Variants in LRP1B observed in about 807,000 individuals in gnomAD.
The protein encoded by LRP1B is low-density lipoprotein receptor-related protein 1B.
Under a neutral mutation model 556.6 loss-of-function variants are expected in LRP1B, and 217 were observed. The ratio of observed to expected loss-of-function variants is 0.39; its 90% CI spans 0.35 to 0.44. The LOEUF is 0.44. Among genes scored for constraint, LRP1B ranks in the 20% least tolerant of loss-of-function variants. The probability of loss-of-function intolerance (pLI) is 1.00; values close to 1 mark genes in which losing one functional copy is unlikely to be tolerated. For missense variants in LRP1B, 5,053 were observed against 5,620.8 expected (o/e 0.90, Z 3.23); for synonymous variants, 2,047 against 1,865.8 (o/e 1.10, Z -2.50).
chr2:141,731,162 T>G (rs1283358927), intron 2 of LRP1B, among the ~76,000 whole-genome samples: 5 of 152,214 alleles, frequency 3.3e-5, no homozygotes, highest in African/African-American at 1.2e-4. Context: ...CATTGGGTTA[T>G]GTATGCAGTG....
chr2:141,432,608 A>G (rs765433758), intron 3 of LRP1B, among the ~76,000 whole-genome samples: 1 of 151,954 alleles, frequency 6.6e-6, no homozygotes, highest in Non-Finnish European at 1.5e-5. Flanking sequence ...TCTTTAGTCT[A>G]TTCAGATGTT....
At position 141,185,907 on chromosome 2, in the gene LRP1B, C is replaced by T. The variant is rs1681229187; in HGVS notation, c.1013+2514G>A. 2.0e-5 allele frequency among the ~76,000 whole-genome samples: 3 copies of T among 151,110 alleles called. 1 individual carries two copies. The South Asian group carries it at 6.2e-4, about 31-fold the overall frequency. On this transcript the variant is annotated intron_variant, in intron 7 of 90. Transcript: ENST00000389484. The stretch of plus-strand genomic sequence containing the variant: ...CAACCTAGCCAATGTGGTGAAACCC[C>T]ATCTCTACTAAAAATACAAAAATTA...
chr2:142,092,793 TAAC>T (rs1449386842), intron 1 of LRP1B, among the ~76,000 whole-genome samples: 1 of 152,144 alleles, frequency 6.6e-6, no homozygotes, highest in Non-Finnish European at 1.5e-5. Context: ...AAATAGATAT[TAAC>T]AACAATTTCT....
intron 14 of LRP1B, among the ~76,000 whole-genome samples, chr2:141,011,791 A>C (rs1180591261): frequency 6.6e-6 from 1 of 152,074 alleles, no homozygotes; most frequent in African/African-American, 2.4e-5. Context: ...ATAACATTGC[A>C]CTATTATACA....
chr2:141,879,337 T>C (rs550495271), intron 1 of LRP1B, among the ~76,000 whole-genome samples: 9 of 151,966 alleles, frequency 5.9e-5, no homozygotes, highest in African/African-American at 1.9e-4. Flanking sequence ...TAAGTTAGAA[T>C]GTGAAAAACA....
chr2:141,640,619 A>G (rs539015316), intron 2 of LRP1B, among the ~76,000 whole-genome samples: 93 of 152,226 alleles, frequency 6.1e-4, no homozygotes, highest in African/African-American at 2.0e-3. Flanking sequence ...CAGCCTGGCC[A>G]ACATGGTGAA....
chr2:142,061,231 G>A (rs942202441), intron 1 of LRP1B, among the ~76,000 whole-genome samples: 4 of 151,748 alleles, frequency 2.6e-5, no homozygotes, highest in African/African-American at 9.7e-5. Flanking sequence ...GTGGGTAAAC[G>A]GATAACAAAA....
At chr2:141,786,018 G>A (rs944085058) in intron 2 of LRP1B, among the ~76,000 whole-genome samples, 1 of 151,880 alleles carries the variant, frequency 6.6e-6, no homozygotes, top group African/African-American at 2.4e-5. Context: ...TTTTGGAGAT[G>A]ATGGAGTGAG....
At chr2:141,689,586 A>T (rs1558805976) in intron 2 of LRP1B, among the ~76,000 whole-genome samples, 1 of 151,870 alleles carries the variant, frequency 6.6e-6, no homozygotes, top group African/African-American at 2.4e-5. Flanking sequence ...AGAGAAACAA[A>T]ACTCATAATA....
chr2:141,284,192 C>G (rs1315262782), intron 3 of LRP1B, among the ~76,000 whole-genome samples: 1 of 152,018 alleles, frequency 6.6e-6, no homozygotes, highest in African/African-American at 2.4e-5. Context: ...GGGACTAGCT[C>G]ACAGATGGAT....
chr2:140,792,997 A>C (rs1381279241), intron 32 of LRP1B, among the ~76,000 whole-genome samples: 1 of 152,202 alleles, frequency 6.6e-6, no homozygotes, highest in South Asian at 2.1e-4. Context: ...AATATCTATA[A>C]GCATACAGTA....
chr2:140,983,661 A>G (rs1696838051), intron 17 of LRP1B, among the ~76,000 whole-genome samples: 1 of 152,138 alleles, frequency 6.6e-6, no homozygotes. Context: ...AGATTATCCA[A>G]GAAAAACAAA....
intron 35 of LRP1B, among the ~76,000 whole-genome samples, chr2:140,750,079 T>TAC (rs59747381): frequency 2.3e-4 from 35 of 150,720 alleles, no homozygotes; most frequent in African/African-American, 8.5e-4. Flanking sequence ...TGTGCACACG[T>TAC]ACACACACAC....
At chr2:140,752,339 T>TA (rs1553522933) in intron 35 of LRP1B, among the ~76,000 whole-genome samples, 1 of 119,114 alleles carries the variant, frequency 8.4e-6, no homozygotes, top group Non-Finnish European at 1.8e-5. Flanking sequence ...TTTTTTTTTT[T>TA]AATAGGCAGA....
chr2:141,778,702 T>C (rs1445650665), intron 2 of LRP1B, among the ~76,000 whole-genome samples: 1 of 152,192 alleles, frequency 6.6e-6, no homozygotes, highest in Non-Finnish European at 1.5e-5. Flanking sequence ...CAGACACACA[T>C]TATTTTGCCT....
At chr2:140,259,650 G>A (rs924996921) in intron 86 of LRP1B, among the ~76,000 whole-genome samples, 16 of 151,924 alleles carry the variant, frequency 1.1e-4, no homozygotes, top group African/African-American at 3.1e-4. Flanking sequence ...TATTCATTAA[G>A]AACATATTAC....
At chr2:140,632,113 T>C (rs952978391) in intron 41 of LRP1B, among the ~76,000 whole-genome samples, 1 of 152,092 alleles carries the variant, frequency 6.6e-6, no homozygotes, top group Non-Finnish European at 1.5e-5. Context: ...TCTGAGGAAA[T>C]TGAGAATAAT....
At chr2:141,054,981 G>T in intron 10 of LRP1B, 135 bp downstream of exon 10, 1 of 810,356 alleles carries the variant, frequency 1.2e-6, no homozygotes, top group East Asian at 3.0e-5. Flanking sequence ...TGAGAAAAAT[G>T]GACAGTATAT....
At chr2:140,760,299 G>T (rs1688870449) in intron 35 of LRP1B, among the ~76,000 whole-genome samples, 1 of 152,136 alleles carries the variant, frequency 6.6e-6, no homozygotes, top group South Asian at 2.1e-4. Context: ...TTCATTTTGG[G>T]AAAGGAACAG....
Sources: gnomAD v4.1 joint callset for allele counts (sites outside exome capture counted in the v4.1 genomes callset) on GRCh38, gnomAD v4.1.1 for gene constraint, MANE v1.5 for transcripts, NCBI Gene and HGNC (gene_info 2026-07-23, HGNC 2026-07-21) for gene names.